Variants in C7 observed in about 807,000 individuals in gnomAD.
C7 encodes the protein complement C7, also known as complement component C7.
Under a neutral mutation model 104.8 loss-of-function variants are expected in C7, and 83 were observed. That is an observed-to-expected ratio of 0.79 (90% CI 0.66 to 0.95). The LOEUF (loss-of-function observed/expected upper bound fraction) is 0.95, where lower values mean the gene tolerates loss of function less well. Among genes scored for constraint, C7 ranks in the 40% least tolerant of loss-of-function variants. C7 has a pLI of 0.00. For missense variants in C7, 1,070 were observed against 1,011.2 expected, an observed-to-expected ratio of 1.06 and a Z score of -0.79; for synonymous variants, 415 against 360.6, an observed-to-expected ratio of 1.15 and a Z score of -1.71.
intron 5 of C7, 21 bp from the exon 6 acceptor site, chr5:40,937,531 T>C: frequency 6.4e-7 from 1 of 1,556,986 alleles, no homozygotes; most frequent in Non-Finnish European, 8.7e-7. Flanking sequence ...TTCCTCCTTC[T>C]CCTCCTCCTC....
intron 1 of C7, among the ~76,000 whole-genome samples, chr5:40,913,744 A>T (rs1464384834): frequency 6.6e-6 from 1 of 152,086 alleles, no homozygotes; most frequent in Non-Finnish European, 1.5e-5. Context: ...CAGTGGCATG[A>T]TCTCGGCTCA....
At chr5:40,966,782 T>C (rs1282985079) in intron 14 of C7, among the ~76,000 whole-genome samples, 1 of 152,164 alleles carries the variant, frequency 6.6e-6, no homozygotes. Flanking sequence ...TATGGCTGAG[T>C]AGTATTCTAT....
In C7 at chr5:40,947,590, T is replaced by A; in HGVS notation, c.739-12T>A. On this transcript the variant is annotated splice_polypyrimidine_tract_variant and intron_variant, in intron 7 of 17. Coordinates refer to ENST00000313164, the MANE Select transcript of C7 (RefSeq NM_000587.4). ...CACCTAAAACTCCTTGTACTCTTTC[T>A]TCTTTCCACAGAGTTACCAACTGCT... 1 of 1,612,770 alleles carries A rather than the reference T, an allele frequency of 6.2e-7. No individual in the cohort carries two copies. The highest frequency in any genetic ancestry group is 8.5e-7 in the Non-Finnish European group (1 of 1,179,284).
In C7 at chr5:40,945,286, G is replaced by A. The variant is rs757175978; in HGVS notation, c.656G>A (p.Ser219Asn). 6.2e-7 allele frequency: 1 copy of A among 1,607,006 alleles called. No homozygotes were observed. The highest frequency in any genetic ancestry group is 2.2e-5 in the East Asian group (1 of 44,686). Residue 219 changes from serine to asparagine, a missense_variant, in exon 7 of 18, where the codon AGT becomes AAT. Transcript: ENST00000313164. ...ACGTCGACAGAACACACATCATCTA[G>A]TCGGAAGCGCTCCTTTTTTAGATCT... ...KHTSTEHTSS[S>N]RKRSFFRSSS...
intron 3 of C7, among the ~76,000 whole-genome samples, 174 bp from the exon 4 acceptor site, chr5:40,934,151 T>C (rs1739756126): frequency 6.6e-6 from 1 of 152,116 alleles, no homozygotes; most frequent in Non-Finnish European, 1.5e-5. Flanking sequence ...AATAGGTCTG[T>C]GAATTCATTG....
rs1009401935 is a variant in C7, at chr5:40,975,421, C to T, written c.2075-1329C>T. 3.4e-5 allele frequency among the ~76,000 whole-genome samples: 5 copies of T among 145,720 alleles called. No individual in the cohort carries two copies. In the East Asian group the frequency reaches 6.2e-4, roughly 18 times the overall value. On this transcript the variant is annotated intron_variant, in intron 15 of 17. Transcript: ENST00000313164. ...CTTGTCCAGGCTGGCTGGAGTGCAA[C>T]GGCGCAATCTTGGTTCACTGCAACC...
rs373973528 is a variant in C7, at chr5:40,964,917, G to A, written c.1882+44G>A. On this transcript the variant is annotated intron_variant, in intron 14 of 17. Transcript: ENST00000313164. ...ATATAATTTAAGATGAGAAAATTAC[G>A]TGGAAGAGAATGAATCAAGATAAAT... 18 of 1,603,888 alleles carry A rather than the reference G, an allele frequency of 1.1e-5. 1 individual carries two copies. The highest frequency in any genetic ancestry group is 2.2e-5 in the East Asian group (1 of 44,824).
At chr5:40,912,775 G>T (rs1029496963) in intron 1 of C7, among the ~76,000 whole-genome samples, 9 of 151,778 alleles carry the variant, frequency 5.9e-5, no homozygotes, top group East Asian at 1.9e-4. Flanking sequence ...AAATTTTATG[G>T]TTTTTTTTGG....
At chr5:40,978,836 ACC>A (rs1476438526) in intron 16 of C7, among the ~76,000 whole-genome samples, 1 of 145,478 alleles carries the variant, frequency 6.9e-6, no homozygotes, top group African/African-American at 2.5e-5. Context: ...CTATTTTAGC[ACC>A]AATGCTAATG....
intron 9 of C7, among the ~76,000 whole-genome samples, chr5:40,952,258 G>A (rs893057024): frequency 2.6e-5 from 4 of 152,200 alleles, no homozygotes; most frequent in Admixed American, 6.5e-5. Context: ...TTTACAGACA[G>A]GGACACTGAG....
chr5:40,938,161 T>TA (rs1337003293), intron 6 of C7, among the ~76,000 whole-genome samples: 2 of 152,112 alleles, frequency 1.3e-5, no homozygotes, highest in African/African-American at 4.8e-5. Context: ...CCTTAAGAAA[T>TA]AGAATATTGC....
intron 1 of C7, among the ~76,000 whole-genome samples, chr5:40,912,498 T>C (rs910657109): frequency 1.1e-4 from 16 of 151,692 alleles, no homozygotes; most frequent in African/African-American, 3.6e-4. Flanking sequence ...CCCACCTTAG[T>C]CTTCTGAGTA....
At position 40,947,835 on chromosome 5, in the gene C7, A is replaced by G. The variant is rs1740083754; in HGVS notation, c.972A>G (p.Leu324=). The part of the protein sequence containing the change: ...RVLFYVDSEK[L]KQNDFNSVEE... ...TATTTTATGTGGACTCAGAAAAATT[A>G]AAACAAAATGGTACAGTATTAAAAA... The change falls in exon 8 of 18, where the codon TTA becomes TTG. Residue 324 remains leucine (L), a synonymous_variant. Coordinates refer to ENST00000313164, the MANE Select transcript of C7 (RefSeq NM_000587.4). 6.2e-7 allele frequency: 1 copy of G among 1,611,426 alleles called. No individual in the cohort carries two copies. Among genetic ancestry groups the G allele is most frequent in the Non-Finnish European group, 8.5e-7 (1 of 1,179,220 alleles).
chr5:40,913,602 C>T (rs2111606659), intron 1 of C7, among the ~76,000 whole-genome samples: 1 of 152,260 alleles, frequency 6.6e-6, no homozygotes, highest in African/African-American at 2.4e-5. Flanking sequence ...TCAAGTGATC[C>T]TCCTGCTTCA....
chr5:40,931,341 A>G (rs1372893530), intron 3 of C7, among the ~76,000 whole-genome samples: 3 of 152,240 alleles, frequency 2.0e-5, no homozygotes, highest in Admixed American at 2.0e-4. Flanking sequence ...TAATAAAGTA[A>G]CTTGTATATT....
chr5:40,955,618 G>A, intron 10 of C7, 65 bp downstream of exon 10: 3 of 1,479,582 alleles, frequency 2.0e-6, no homozygotes, highest in Non-Finnish European at 2.8e-6. Flanking sequence ...GAAAACGAAG[G>A]TGGTTAAATC....
At chr5:40,939,192 C>T (rs548747619) in intron 6 of C7, among the ~76,000 whole-genome samples, 1 of 152,194 alleles carries the variant, frequency 6.6e-6, no homozygotes, top group Non-Finnish European at 1.5e-5. Flanking sequence ...AGCAAACATA[C>T]CGTCTTCCAA....
At chr5:40,942,114 G>A (rs1242077372) in intron 6 of C7, among the ~76,000 whole-genome samples, 2 of 152,204 alleles carry the variant, frequency 1.3e-5, no homozygotes, top group Non-Finnish European at 2.9e-5. Context: ...CAGCAGCATT[G>A]CTGGAAGTCA....
chr5:40,920,258 T>C (rs922196806), intron 1 of C7, among the ~76,000 whole-genome samples: 2 of 152,088 alleles, frequency 1.3e-5, no homozygotes, highest in African/African-American at 4.8e-5. Flanking sequence ...AAGTTGAATG[T>C]TTTCTTATTA....
Sources: gnomAD v4.1 joint callset for allele counts (sites outside exome capture counted in the v4.1 genomes callset) on GRCh38, gnomAD v4.1.1 for gene constraint, MANE v1.5 for transcripts, NCBI Gene and HGNC (gene_info 2026-07-23, HGNC 2026-07-21) for gene names.